The following CDH1 variants were observed in gnomAD, a reference collection of about 807,000 sequenced individuals.
The protein encoded by CDH1 is cadherin-1.
A neutral mutation model predicts 84.5 loss-of-function variants in CDH1; 35 were observed. The observed-to-expected ratio is 0.41, with a 90% CI of 0.32 to 0.55. The LOEUF is 0.55. CDH1 is among the 20% of genes least tolerant of loss of function. The pLI is 0.19. For missense variants in CDH1, 994 were observed against 1,126.6 expected, an observed-to-expected ratio of 0.88 and a Z score of 1.68; for synonymous variants, 417 against 439.0, an observed-to-expected ratio of 0.95 and a Z score of 0.63.
intron 2 of CDH1, among the ~76,000 whole-genome samples, chr16:68,784,109 C>A (rs935168904): frequency 1.3e-5 from 2 of 152,070 alleles, no homozygotes; most frequent in African/African-American, 4.8e-5. Flanking sequence ...GTATATCTGC[C>A]CTGATGCAAT....
chr16:68,783,575 C>A (rs137959970), intron 2 of CDH1, among the ~76,000 whole-genome samples: 2 of 152,278 alleles, frequency 1.3e-5, no homozygotes, highest in East Asian at 3.9e-4. Context: ...TAAGCCTATT[C>A]CCTATCCCAT....
chr16:68,745,549 A>AAAAAATATATATATATGT (rs1555510453), intron 2 of CDH1, among the ~76,000 whole-genome samples: 16 of 75,190 alleles, frequency 2.1e-4, no homozygotes, highest in African/African-American at 5.0e-4. Context: ...AAAAAAAAAA[A>AAAAAATATATATATATGT]ATATATATAT....
intron 2 of CDH1, among the ~76,000 whole-genome samples, chr16:68,785,399 C>T (rs2152122673): frequency 6.6e-6 from 1 of 152,258 alleles, no homozygotes; most frequent in South Asian, 2.1e-4. Flanking sequence ...ACCATGTTGG[C>T]CAGGCTGGTC....
intron 13 of CDH1, among the ~76,000 whole-genome samples, chr16:68,827,924 G>C: frequency 6.6e-6 from 1 of 152,176 alleles, no homozygotes; most frequent in East Asian, 1.9e-4. Context: ...CAGTGATTGA[G>C]TTTAAAACCC....
At chr16:68,828,441 G>A in intron 14 of CDH1, 137 bp downstream of exon 14, 1 of 813,468 alleles carries the variant, frequency 1.2e-6, no homozygotes. Flanking sequence ...CAAGAAAGTA[G>A]ACATTGTCAT....
intron 2 of CDH1, among the ~76,000 whole-genome samples, chr16:68,779,020 G>C (rs1181124061): frequency 6.6e-6 from 1 of 152,130 alleles, no homozygotes; most frequent in Non-Finnish European, 1.5e-5. Context: ...TGGCCTTTCA[G>C]GTTTTGTCAG....
At chr16:68,816,783 G>T (rs998153340) in intron 10 of CDH1, among the ~76,000 whole-genome samples, 21 of 152,200 alleles carry the variant, frequency 1.4e-4, no homozygotes, top group Non-Finnish European at 2.9e-4. Flanking sequence ...CATTTTCTAT[G>T]TGTAGCCAAT....
At position 68,833,778 on chromosome 16, in the gene CDH1, G is replaced by C; in HGVS notation, c.*279G>C. The C allele has an allele frequency of 2.1e-6, 1 of 471,202 alleles. No homozygotes were observed. The highest frequency in any genetic ancestry group is 3.9e-6 in the Non-Finnish European group (1 of 258,840). The allele number at this position is 471,202 out of a possible 1,614,324, so 29.2% of individuals were successfully genotyped here. On this transcript the variant is annotated 3_prime_UTR_variant, in exon 16 of 16. Transcript: ENST00000261769. ...AAGATACCCAAATTTTAATATTCCA[G>C]AAGAACAACTTTAGCATCAGAAGGT...
intron 6 of CDH1, 45 bp from the exon 7 acceptor site, chr16:68,811,639 C>T (rs770928690): frequency 1.3e-6 from 2 of 1,583,490 alleles, no homozygotes; most frequent in Non-Finnish European, 1.7e-6. Flanking sequence ...GACCCAGTCC[C>T]AAAGTGCAGC....
intron 2 of CDH1, among the ~76,000 whole-genome samples, chr16:68,798,873 A>G (rs1960427691): frequency 6.6e-6 from 1 of 152,196 alleles, no homozygotes; most frequent in African/African-American, 2.4e-5. Context: ...CCCATCCTTT[A>G]AGGACTTGGC....
At chr16:68,764,145 C>T (rs946028195) in intron 2 of CDH1, among the ~76,000 whole-genome samples, 2 of 152,174 alleles carry the variant, frequency 1.3e-5, no homozygotes, top group South Asian at 2.1e-4. Context: ...GGCTATGAAG[C>T]TACCCGAAGT....
chr16:68,817,558 T>C (rs1961015695), intron 10 of CDH1, among the ~76,000 whole-genome samples: 1 of 152,124 alleles, frequency 6.6e-6, no homozygotes, highest in African/African-American at 2.4e-5. Flanking sequence ...GCCTTTCCCT[T>C]ATCCAAGTGA....
chr16:68,802,486 T>C (rs113547994), intron 3 of CDH1, among the ~76,000 whole-genome samples: 15 of 150,854 alleles, frequency 9.9e-5, no homozygotes, highest in African/African-American at 2.2e-4. Context: ...CTCTCTCTCT[T>C]TTTTTTTTAA....
chr16:68,821,197 G>A (rs1166049782), intron 11 of CDH1, among the ~76,000 whole-genome samples: 1 of 152,076 alleles, frequency 6.6e-6, no homozygotes, highest in Non-Finnish European at 1.5e-5. Flanking sequence ...GATGGGCTGG[G>A]CGCAGTGGCT....
Position 68,833,726 on chromosome 16 carries a change from C to T in CDH1, c.*227C>T, listed in dbSNP as rs1213820061. On this transcript the variant is annotated 3_prime_UTR_variant, in exon 16 of 16. Transcript: ENST00000261769. The stretch of plus-strand genomic sequence containing the variant: ...CTTAAAGCTTTTTTTTTTTTCCCAT[C>T]ACTCTTTACATGGTGGTGATGTCCA... 1.8e-5 allele frequency: 10 copies of T among 544,906 alleles called. No individual in the cohort carries two copies. In the African/African-American group the frequency reaches 1.9e-4, roughly 10 times the overall value. 33.8% of individuals were successfully genotyped at this position (544,906 alleles called of 1,614,324 possible).
At chr16:68,751,572 G>A (rs1488360156) in intron 2 of CDH1, among the ~76,000 whole-genome samples, 2 of 151,868 alleles carry the variant, frequency 1.3e-5, no homozygotes, top group East Asian at 1.9e-4. Context: ...GCGCAATCTC[G>A]GCTCACTGCA....
intron 11 of CDH1, among the ~76,000 whole-genome samples, chr16:68,819,917 G>A (rs1961095099): frequency 6.6e-6 from 1 of 152,078 alleles, no homozygotes; most frequent in Admixed American, 6.6e-5. Context: ...AATTCAAGTG[G>A]GCTGGGCACG....
At chr16:68,760,407 C>A (rs1381638367) in intron 2 of CDH1, among the ~76,000 whole-genome samples, 1 of 151,882 alleles carries the variant, frequency 6.6e-6, no homozygotes, top group Non-Finnish European at 1.5e-5. Context: ...AGCCACCACG[C>A]CCAGCCCTTC....
chr16:68,822,305 C>T, intron 12 of CDH1, 80 bp downstream of exon 12: 8 of 941,382 alleles, frequency 8.5e-6, no homozygotes, highest in Non-Finnish European at 1.4e-5. Context: ...CTTTCAATTT[C>T]CCTTCTCAAC....
Sources: gnomAD v4.1 joint callset for allele counts (sites outside exome capture counted in the v4.1 genomes callset) on GRCh38, gnomAD v4.1.1 for gene constraint, MANE v1.5 for transcripts, NCBI Gene and HGNC (gene_info 2026-07-23, HGNC 2026-07-21) for gene names.